COMMD8: variants seen among roughly 807,000 people sequenced by gnomAD.
COMMD8 encodes the protein COMM domain containing 8, also known as COMM domain-containing protein 8.
Under a neutral mutation model 27.2 loss-of-function variants are expected in COMMD8, and 28 were observed. The observed-to-expected ratio is 1.03, with a 90% CI of 0.76 to 1.41. The LOEUF (loss-of-function observed/expected upper bound fraction) is 1.41. COMMD8 is among the 40% of genes most tolerant of loss of function. The pLI is 0.00. For missense variants in COMMD8, 217 were observed against 211.2 expected (o/e 1.03, Z -0.17); for synonymous variants, 79 against 75.5 (o/e 1.05, Z -0.24).
At chr4:47,462,163 C>T (rs762172719) in intron 1 of COMMD8, among the ~76,000 whole-genome samples, 14 of 152,200 alleles carry the variant, frequency 9.2e-5, no homozygotes, top group Non-Finnish European at 1.2e-4. Flanking sequence ...CCTATTCACA[C>T]ATTTGCATTA....
chr4:47,461,275 T>G (rs62300076), intron 1 of COMMD8, among the ~76,000 whole-genome samples: 1 of 152,182 alleles, frequency 6.6e-6, no homozygotes, highest in African/African-American at 2.4e-5. Context: ...GTTATCTTTC[T>G]TGAAGTTATT....
At chr4:47,452,964 T>C in intron 4 of COMMD8, 95 bp downstream of exon 4, 1 of 1,144,666 alleles carries the variant, frequency 8.7e-7, no homozygotes. Flanking sequence ...CCGTTGCCCC[T>C]CCAGCCTGGG....
At chr4:47,456,348 T>C (rs974987202) in intron 3 of COMMD8, among the ~76,000 whole-genome samples, 1 of 147,364 alleles carries the variant, frequency 6.8e-6, no homozygotes, top group Non-Finnish European at 1.5e-5. Flanking sequence ...CATTTAATAA[T>C]TTACAGATCT....
At chr4:47,461,706 G>T (rs914133967) in intron 1 of COMMD8, among the ~76,000 whole-genome samples, 1 of 152,064 alleles carries the variant, frequency 6.6e-6, no homozygotes, top group East Asian at 1.9e-4. Context: ...AACTATAATA[G>T]CTACCGTTAT....
In COMMD8 at chr4:47,453,220, TA is replaced by T. The variant is rs1408193421; in HGVS notation, c.376-7del. The T allele has an allele frequency of 1.9e-6, 3 of 1,609,700 alleles. No homozygotes were observed. The highest frequency in any genetic ancestry group is 1.7e-5 in the Admixed American group (1 of 58,798). ...TTGTCACTGGAAAGTGCAAGCTGTT[TA>T]AAATCAGAAAAATAGCAATTAATAA... On this transcript the variant is annotated splice_region_variant and splice_polypyrimidine_tract_variant and intron_variant, in intron 3 of 4. Coordinates refer to ENST00000381571, the MANE Select transcript of COMMD8 (RefSeq NM_017845.5).
At chr4:47,462,635 C>CT (rs1730089709) in intron 1 of COMMD8, among the ~76,000 whole-genome samples, 1 of 152,050 alleles carries the variant, frequency 6.6e-6, no homozygotes, top group Admixed American at 6.5e-5. Flanking sequence ...GGTTATGGGC[C>CT]TTATCTAAAT....
At chr4:47,455,654 C>G in intron 3 of COMMD8, among the ~76,000 whole-genome samples, 1 of 152,054 alleles carries the variant, frequency 6.6e-6, no homozygotes, top group East Asian at 1.9e-4. Context: ...ATGAACCCAC[C>G]TGTTATCTTC....
At chr4:47,456,143 G>A (rs10028747) in intron 3 of COMMD8, among the ~76,000 whole-genome samples, 6,527 of 151,562 alleles carry the variant, frequency 0.043, 453 homozygotes, top group African/African-American at 0.15. Context: ...GCTACTCAGG[G>A]GGCTGAGGCA....
chr4:47,453,336 G>A, intron 3 of COMMD8, 122 bp from the exon 4 acceptor site: 7 of 688,262 alleles, frequency 1.0e-5, no homozygotes, highest in South Asian at 4.8e-5. Context: ...TATAGAGAAA[G>A]GTGAAAGAAA....
chr4:47,456,535 C>CA (rs1729894685), intron 3 of COMMD8, 42 bp downstream of exon 3: 15 of 1,442,222 alleles, frequency 1.0e-5, no homozygotes, highest in Non-Finnish European at 1.3e-5. Context: ...TCTCTATATC[C>CA]AAAAAATGAA....
intron 2 of COMMD8, among the ~76,000 whole-genome samples, chr4:47,457,599 C>T (rs760469912): frequency 8.6e-5 from 13 of 152,046 alleles, no homozygotes; most frequent in South Asian, 2.1e-4. Flanking sequence ...TGGCAAACCA[C>T]GACAGATCTC....
chr4:47,451,445 A>C lies in COMMD8; in HGVS notation c.*200T>G, dbSNP rs1033295696. On this transcript the variant is annotated 3_prime_UTR_variant, in exon 5 of 5. Transcript: ENST00000381571. ...TGCTACTATAGATTTTTCATCTTTC[A>C]TTTTATGCATTTCCTCTCAACCATG... The C allele has an allele frequency of 6.2e-6, 3 of 485,536 alleles. No individual in the cohort carries two copies. Among genetic ancestry groups the C allele is most frequent in the Non-Finnish European group, 1.1e-5 (3 of 277,174 alleles). The allele number at this position is 485,536 out of a possible 1,614,324, so 30.1% of individuals were successfully genotyped here.
At chr4:47,463,232 T>C (rs1190271045) in intron 1 of COMMD8, among the ~76,000 whole-genome samples, 1 of 152,206 alleles carries the variant, frequency 6.6e-6, no homozygotes, top group South Asian at 2.1e-4. Flanking sequence ...CACCTAGCTC[T>C]GTACCTGCTG....
chr4:47,454,418 A>ACAC (rs1381932182), intron 3 of COMMD8, among the ~76,000 whole-genome samples: 1 of 152,164 alleles, frequency 6.6e-6, no homozygotes, highest in Non-Finnish European at 1.5e-5. Context: ...GCAATTTCAC[A>ACAC]CACCACGATT....
intron 3 of COMMD8, among the ~76,000 whole-genome samples, chr4:47,454,115 T>G (rs1001148155): frequency 1.3e-5 from 2 of 152,162 alleles, no homozygotes; most frequent in South Asian, 4.1e-4. Flanking sequence ...TCCTCAATAT[T>G]TCCAATAAAT....
At chr4:47,460,015 T>C (rs370794162) in intron 2 of COMMD8, 129 bp downstream of exon 2, 3 of 681,684 alleles carry the variant, frequency 4.4e-6, no homozygotes, top group Admixed American at 3.4e-5. Context: ...CCACAGATTT[T>C]TCCATTCACA....
chr4:47,463,600 C>G lies in COMMD8; in HGVS notation c.52G>C (p.Glu18Gln), dbSNP rs757608950. ...CCCGCCCTCACCTGCGGGCCCAGCT[C>G]GGCCGGCAGCTTCTGCAGCCGCCAC... ...PLWRLQKLPAELGPQLLHKII... is the reference protein window; with the variant it reads ...PLWRLQKLPAQLGPQLLHKII... Residue 18 changes from glutamate (E) to glutamine (Q), a missense_variant, in exon 1 of 5, where the codon GAG (glutamate) becomes CAG (glutamine). Transcript: ENST00000381571. 1 of 1,546,378 alleles carries G rather than the reference C, an allele frequency of 6.5e-7. No homozygotes were observed. Among genetic ancestry groups the G allele is most frequent in the East Asian group, 2.4e-5 (1 of 40,846 alleles).
intron 1 of COMMD8, among the ~76,000 whole-genome samples, chr4:47,463,196 T>A (rs945394007): frequency 3.0e-4 from 45 of 152,226 alleles, no homozygotes; most frequent in African/African-American, 1.0e-3. Context: ...AGGGTCCGCT[T>A]CGGTCTTTGT....
intron 1 of COMMD8, 110 bp downstream of exon 1, chr4:47,463,476 C>T (rs1051325898): frequency 1.9e-5 from 19 of 1,024,604 alleles, no homozygotes; most frequent in Non-Finnish European, 2.4e-5. Flanking sequence ...CTTCCTCCTC[C>T]CTTCCCTAGG....
Sources: allele counts gnomAD v4.1 joint callset (sites outside exome capture counted in the v4.1 genomes callset), GRCh38; gene constraint gnomAD v4.1.1; transcripts MANE v1.5; gene names NCBI Gene and HGNC (gene_info 2026-07-23, HGNC 2026-07-21).